ERP44: variants seen among roughly 807,000 people sequenced by gnomAD.
ERP44 encodes the protein endoplasmic reticulum resident protein 44.
In ERP44, 25 loss-of-function variants were observed where a neutral mutation model predicts 53.4. The observed-to-expected ratio is 0.47, with a 90% confidence interval of 0.34 to 0.65. The LOEUF (loss-of-function observed/expected upper bound fraction) is 0.65. Among genes scored for constraint, ERP44 ranks in the 30% least tolerant of loss-of-function variants. The pLI is 0.01. For synonymous variants in ERP44, 145 were observed against 161.2 expected, an observed-to-expected ratio of 0.90 and a Z score of 0.76; for missense variants, 338 against 493.2, an observed-to-expected ratio of 0.69 and a Z score of 2.98.
chr9:100,068,590 G>A (rs1376634069), intron 1 of ERP44, among the ~76,000 whole-genome samples: 3 of 144,960 alleles, frequency 2.1e-5, no homozygotes, highest in Non-Finnish European at 4.6e-5. Flanking sequence ...CCCCAGCCCG[G>A]CCGGCTGCCC....
chr9:100,068,524 G>A (rs1398663757), intron 1 of ERP44, among the ~76,000 whole-genome samples: 1 of 131,130 alleles, frequency 7.6e-6, no homozygotes, highest in East Asian at 2.6e-4. Flanking sequence ...GGAGGTGGGG[G>A]TTCAGCCCCC....
Position 100,043,637 on chromosome 9 carries a change from C to G in ERP44, c.286+8780G>C, listed in dbSNP as rs1236719997. On this transcript the variant is annotated intron_variant, in intron 4 of 11. Coordinates refer to ENST00000262455, the MANE Select transcript of ERP44 (RefSeq NM_015051.3). ...GGCCGTGGTGGCGCACACCTGTAAT[C>G]CCAGCTACTCAAGTGGCTGAGGCAC... Among the ~76,000 whole-genome samples the G allele has an allele frequency of 2.6e-5, 4 of 152,120 alleles. No individual in the cohort carries two copies. The East Asian group carries it at 7.7e-4, about 29-fold the overall frequency.
chr9:100,042,934 G>A (rs978860011), intron 4 of ERP44, among the ~76,000 whole-genome samples: 1 of 152,026 alleles, frequency 6.6e-6, no homozygotes, highest in Admixed American at 6.6e-5. Flanking sequence ...GGGTCAGGGA[G>A]GGATGGTGAA....
rs1055026446 is a variant in ERP44, at chr9:100,006,610, A to G, written c.912T>C (p.Phe304=). The G allele has an allele frequency of 4.4e-6, 7 of 1,606,016 alleles. No homozygotes were observed. The highest frequency in any genetic ancestry group is 5.9e-6 in the Non-Finnish European group (7 of 1,177,046). Residue 304 remains phenylalanine (F), a synonymous_variant, in exon 10 of 12, where the codon TTT becomes TTC. Coordinates refer to ENST00000262455, the MANE Select transcript of ERP44 (RefSeq NM_015051.3). ...TCTGTATGTGCAGAAGAGGATGTCTAAATTTGTCACAATCGGCATGTAAAA... is the reference window on the plus strand; with the variant it reads ...TCTGTATGTGCAGAAGAGGATGTCTGAATTTGTCACAATCGGCATGTAAAA... ...INFLHADCDK[F]RHPLLHIQKT...
At chr9:100,047,489 C>G (rs140844731) in intron 4 of ERP44, among the ~76,000 whole-genome samples, 1 of 152,116 alleles carries the variant, frequency 6.6e-6, no homozygotes, top group Non-Finnish European at 1.5e-5. Context: ...ATAAATGATG[C>G]TGGAAAACCT....
chr9:100,063,499 C>T (rs966588550), intron 1 of ERP44, among the ~76,000 whole-genome samples: 14 of 152,006 alleles, frequency 9.2e-5, no homozygotes, highest in South Asian at 2.1e-4. Context: ...AAGATTCTCC[C>T]GGGAAAACAT....
chr9:100,070,515 G>A (rs1359736627), intron 1 of ERP44, among the ~76,000 whole-genome samples: 1 of 152,144 alleles, frequency 6.6e-6, no homozygotes, highest in African/African-American at 2.4e-5. Context: ...CTCTGTTTTT[G>A]CCTGGGTTTT....
intron 4 of ERP44, among the ~76,000 whole-genome samples, chr9:100,034,841 T>C (rs1231574251): frequency 6.6e-6 from 1 of 152,158 alleles, no homozygotes; most frequent in African/African-American, 2.4e-5. Flanking sequence ...AAGGCTATGA[T>C]AACCAGAACA....
chr9:100,084,093 C>CA (rs1238210968), intron 1 of ERP44, among the ~76,000 whole-genome samples: 3 of 152,128 alleles, frequency 2.0e-5, no homozygotes, highest in Non-Finnish European at 4.4e-5. Context: ...GAAATGCTCT[C>CA]AGAGTCTTAC....
intron 10 of ERP44, among the ~76,000 whole-genome samples, chr9:100,002,160 C>G (rs1268189561): frequency 6.7e-6 from 1 of 149,988 alleles, no homozygotes; most frequent in East Asian, 1.9e-4. Context: ...TTTTACTCTA[C>G]CCTCCTCACA....
intron 4 of ERP44, among the ~76,000 whole-genome samples, chr9:100,039,423 C>T (rs1396535820): frequency 6.6e-6 from 1 of 151,992 alleles, no homozygotes; most frequent in African/African-American, 2.4e-5. Flanking sequence ...TTAATATGCT[C>T]CTGAATGACC....
chr9:100,030,574 A>C (rs6478995), intron 4 of ERP44, among the ~76,000 whole-genome samples: 104,477 of 152,076 alleles, frequency 0.69, 37,118 homozygotes, highest in East Asian at 0.91. Flanking sequence ...TAGAGGCCCC[A>C]CTCAGTAAAG....
At position 100,018,318 on chromosome 9, in the gene ERP44, A is replaced by G. The variant is rs1267929788; in HGVS notation, c.588-5T>C. On this transcript the variant is annotated splice_polypyrimidine_tract_variant and splice_region_variant and intron_variant, in intron 6 of 11. Transcript: ENST00000262455. The stretch of plus-strand genomic sequence containing the variant: ...CTTTCCGGTTTTGAAACATCCCTAT[A>G]GGAAGGGAGAAATAGTAATAAACCT... 2 of 1,579,996 alleles carry G rather than the reference A, an allele frequency of 1.3e-6. No individual in the cohort carries two copies. The highest frequency in any genetic ancestry group is 2.2e-5 in the South Asian group (2 of 90,402).
Position 100,060,110 on chromosome 9 carries a change from A to T in ERP44, c.120T>A (p.Asp40Glu). The T allele has an allele frequency of 6.8e-7, 1 of 1,475,210 alleles. No individual in the cohort carries two copies. Among genetic ancestry groups the T allele is most frequent in the Non-Finnish European group, 9.0e-7 (1 of 1,113,566 alleles). The allele number at this position is 1,475,210 out of a possible 1,614,324, so 91.4% of individuals were successfully genotyped here. ...EITSLDTENI[D>E]EILNNADVAL... ...TATTGAGGTACTTACTTAAAATTTC[A>T]TCTATATTCTCTGTATCAAGACTTG... The change falls in exon 2 of 12, where the codon GAT becomes GAA. Residue 40 changes from aspartate (D) to glutamate (E), a missense_variant. By Grantham distance (45) the Asp-to-Glu change is conservative. Around this residue, in one of 3 missense-constraint regions of ERP44, gnomAD observed 224 missense variants for 301.4 expected, o/e 0.74. Transcript: ENST00000262455.
rs1299532174 is a variant in ERP44 at position 99,999,182 on chromosome 9, C to G, written c.1016+7324G>C. The G allele has an allele frequency of 5.9e-6, 3 of 509,086 alleles. No homozygotes were observed. The East Asian group carries it at 1.1e-4, about 18-fold the overall frequency. 31.5% of individuals were successfully genotyped at this position (509,086 alleles called of 1,614,324 possible). ...CCGCCCCCCGACCCTGTCCCCCGCC[C>G]CTCCCCCTCCGCTCAAGGCCGTCCT... On this transcript the variant is annotated intron_variant, in intron 10 of 11. Transcript: ENST00000262455.
chr9:100,071,532 G>A (rs749842632), intron 1 of ERP44, among the ~76,000 whole-genome samples: 8 of 152,060 alleles, frequency 5.3e-5, no homozygotes, highest in Middle Eastern at 3.2e-3. Flanking sequence ...AGTACTGTAC[G>A]TATTCTTGGG....
chr9:100,079,732 G>C (rs948491512), intron 1 of ERP44, among the ~76,000 whole-genome samples: 6 of 152,002 alleles, frequency 3.9e-5, no homozygotes, highest in African/African-American at 1.5e-4. Context: ...CCAGGAGTTA[G>C]AGACCAGCCT....
chr9:100,094,260 C>T (rs1278163252), intron 1 of ERP44, among the ~76,000 whole-genome samples: 1 of 151,474 alleles, frequency 6.6e-6, no homozygotes, highest in African/African-American at 2.4e-5. Context: ...ACAATTTAAT[C>T]CAAGTGGAGG....
chr9:100,062,385 T>C (rs968211562), intron 1 of ERP44, among the ~76,000 whole-genome samples: 1 of 152,192 alleles, frequency 6.6e-6, no homozygotes, highest in Admixed American at 6.5e-5. Flanking sequence ...TAACAGATCC[T>C]GGCTTCATAA....
Sources: allele counts gnomAD v4.1 joint callset (sites outside exome capture counted in the v4.1 genomes callset), GRCh38; gene constraint gnomAD v4.1.1; regional missense constraint gnomAD v4.1.1; transcripts MANE v1.5; gene names NCBI Gene and HGNC (gene_info 2026-07-23, HGNC 2026-07-21).